The following MCPH1 variants were observed in gnomAD, a reference collection of about 807,000 sequenced individuals.
The protein encoded by MCPH1 is microcephalin.
In MCPH1, 104 loss-of-function variants were observed where a neutral mutation model predicts 84.5. That is an observed-to-expected ratio of 1.23 (90% CI 1.05 to 1.45). The LOEUF (loss-of-function observed/expected upper bound fraction) is 1.45. Among genes scored for constraint, MCPH1 ranks in the 40% most tolerant of loss-of-function variants. MCPH1 has a pLI of 0.00. For synonymous variants in MCPH1, 514 were observed against 366.8 expected (o/e 1.40, Z -4.58); for missense variants, 1,498 against 1,005.7 (o/e 1.49, Z -6.62).
At chr8:6,629,389 G>C (rs1796992948) in intron 13 of MCPH1, among the ~76,000 whole-genome samples, 1 of 152,224 alleles carries the variant, frequency 6.6e-6, no homozygotes, top group African/African-American at 2.4e-5. Context: ...TTGAACACAA[G>C]AGGCGGAGGC....
chr8:6,442,218 A>T, intron 7 of MCPH1, 62 bp downstream of exon 7: 1 of 1,092,472 alleles, frequency 9.2e-7, no homozygotes, highest in Non-Finnish European at 1.4e-6. Context: ...TGATTTTCTG[A>T]TTTAGAATTT....
chr8:6,434,280 T>G (rs922210704), intron 4 of MCPH1, among the ~76,000 whole-genome samples: 1 of 152,194 alleles, frequency 6.6e-6, no homozygotes, highest in Non-Finnish European at 1.5e-5. Context: ...ATGGAGTGTC[T>G]TCTTGTATAC....
intron 9 of MCPH1, among the ~76,000 whole-genome samples, chr8:6,464,013 T>C (rs536790201): frequency 3.3e-5 from 5 of 152,298 alleles, no homozygotes; most frequent in Admixed American, 6.5e-5. Context: ...GCAGCACGGG[T>C]ATGTTGTTAT....
At chr8:6,429,858 C>G (rs1801587842) in intron 3 of MCPH1, among the ~76,000 whole-genome samples, 1 of 152,174 alleles carries the variant, frequency 6.6e-6, no homozygotes. Flanking sequence ...CACGACCCCT[C>G]CCTCACACCT....
chr8:6,566,209 C>G (rs1044872593), intron 12 of MCPH1, among the ~76,000 whole-genome samples: 2 of 152,208 alleles, frequency 1.3e-5, no homozygotes, highest in East Asian at 1.9e-4. Context: ...AGTTTAAAAA[C>G]CATTCTTAGC....
chr8:6,552,763 C>G (rs1823878507), intron 12 of MCPH1, among the ~76,000 whole-genome samples: 1 of 151,676 alleles, frequency 6.6e-6, no homozygotes, highest in Non-Finnish European at 1.5e-5. Context: ...ATTGTTTCGG[C>G]CAGTTAATTA....
At chr8:6,542,828 C>G (rs979045165) in intron 12 of MCPH1, among the ~76,000 whole-genome samples, 7 of 152,108 alleles carry the variant, frequency 4.6e-5, no homozygotes, top group African/African-American at 9.7e-5. Flanking sequence ...ACTGAATTTA[C>G]TTGGTCACAA....
rs568223766 is a variant in MCPH1, at chr8:6,411,636, A to C, written c.114+2266A>C. On this transcript the variant is annotated intron_variant, in intron 2 of 13. Coordinates refer to ENST00000344683, the MANE Select transcript of MCPH1 (RefSeq NM_024596.5). Reference sequence around the variant, plus strand: ...TACTGTTGCAGTCACACCAAACTGCAACAGTTACAGCCACAGTGCGTGATT... The same window carrying C: ...TACTGTTGCAGTCACACCAAACTGCCACAGTTACAGCCACAGTGCGTGATT... Among the ~76,000 whole-genome samples the C allele has an allele frequency of 2.0e-5, 3 of 152,360 alleles. No homozygotes were observed. In the East Asian group the frequency reaches 5.8e-4, roughly 29 times the overall value.
At chr8:6,589,700 C>T (rs1328726249) in intron 12 of MCPH1, among the ~76,000 whole-genome samples, 1 of 152,212 alleles carries the variant, frequency 6.6e-6, no homozygotes, top group Non-Finnish European at 1.5e-5. Context: ...AAGTTTTCTG[C>T]TTTTTCTTAG....
At chr8:6,435,613 G>A (rs1009629619) in intron 4 of MCPH1, among the ~76,000 whole-genome samples, 10 of 152,084 alleles carry the variant, frequency 6.6e-5, no homozygotes, top group South Asian at 2.1e-4. Flanking sequence ...GGTTCTGCCC[G>A]TGGTTACATG....
chr8:6,540,602 C>G (rs1198158545), intron 12 of MCPH1, among the ~76,000 whole-genome samples: 1 of 152,248 alleles, frequency 6.6e-6, no homozygotes, highest in Non-Finnish European at 1.5e-5. Context: ...CAGGCCACGT[C>G]TGCATATATA....
chr8:6,416,778 G>T (rs557096996), intron 3 of MCPH1, among the ~76,000 whole-genome samples: 1 of 152,038 alleles, frequency 6.6e-6, no homozygotes, highest in African/African-American at 2.4e-5. Flanking sequence ...TGGATCACCT[G>T]AGATTAGGAG....
At chr8:6,469,113 G>A (rs1481507678) in intron 9 of MCPH1, among the ~76,000 whole-genome samples, 4 of 152,064 alleles carry the variant, frequency 2.6e-5, no homozygotes, top group Non-Finnish European at 4.4e-5. Flanking sequence ...CCAGGAATTC[G>A]AGGCTGCTCT....
At chr8:6,568,349 G>C (rs908422658) in intron 12 of MCPH1, among the ~76,000 whole-genome samples, 4 of 151,418 alleles carry the variant, frequency 2.6e-5, no homozygotes, top group Admixed American at 1.3e-4. Flanking sequence ...GACCATCCCA[G>C]GTTCCCCCAG....
intron 12 of MCPH1, among the ~76,000 whole-genome samples, chr8:6,524,048 G>C (rs1817881595): frequency 6.6e-6 from 1 of 152,080 alleles, no homozygotes; most frequent in Non-Finnish European, 1.5e-5. Flanking sequence ...AGTAAATAAA[G>C]CTTTCAAAAT....
At chr8:6,641,194 G>A (rs1008123617) in intron 13 of MCPH1, among the ~76,000 whole-genome samples, 2 of 152,208 alleles carry the variant, frequency 1.3e-5, no homozygotes, top group East Asian at 1.9e-4. Flanking sequence ...AATTTGGAAA[G>A]AGCATCATTT....
intron 12 of MCPH1, chr8:6,532,467 G>A (rs1212395463): frequency 6.2e-7 from 1 of 1,612,120 alleles, no homozygotes. Context: ...TCTTCATGTT[G>A]TCCTGGATAT....
At chr8:6,513,591 C>T (rs1463319337) in intron 12 of MCPH1, 5 of 1,137,658 alleles carry the variant, frequency 4.4e-6, no homozygotes, top group Non-Finnish European at 6.1e-6. Flanking sequence ...CCTCGGCCTC[C>T]CAAAGTGCTG....
rs1359548981 is a variant in MCPH1 at position 6,643,215 on chromosome 8, C to T, written c.*166C>T. The T allele has an allele frequency of 4.4e-6, 3 of 689,638 alleles. No individual in the cohort carries two copies. Among genetic ancestry groups the T allele is most frequent in the East Asian group, 5.4e-5 (2 of 36,976 alleles). 42.7% of individuals were successfully genotyped at this position (689,638 alleles called of 1,614,324 possible). ...TTCTTAAGAACTCATAGGTGACTTT[C>T]TGATGACTGAATGTCTGTTTCAGAG... is the stretch of plus-strand genomic sequence containing the variant. On this transcript the variant is annotated 3_prime_UTR_variant, in exon 14 of 14. Coordinates refer to ENST00000344683, the MANE Select transcript of MCPH1 (RefSeq NM_024596.5).
Sources: allele counts gnomAD v4.1 joint callset (sites outside exome capture counted in the v4.1 genomes callset), GRCh38; gene constraint gnomAD v4.1.1; transcripts MANE v1.5; gene names NCBI Gene and HGNC (gene_info 2026-07-23, HGNC 2026-07-21).